The following GRIN2B variants were observed in gnomAD, a reference collection of about 807,000 sequenced individuals.
GRIN2B encodes the protein glutamate ionotropic receptor NMDA type subunit 2B.
GRIN2B carries 5 observed loss-of-function variants against 114.5 expected under a neutral mutation model. The observed-to-expected ratio is 0.04, with a 90% CI of 0.02 to 0.09. GRIN2B has a LOEUF of 0.09. Among genes scored for constraint, GRIN2B ranks in the 10% least tolerant of loss-of-function variants. The probability of loss-of-function intolerance (pLI) is 1.00; values close to 1 mark genes in which losing one functional copy is unlikely to be tolerated. For missense variants in GRIN2B, 1,108 were observed against 1,943.5 expected (o/e 0.57, Z 8.08); for synonymous variants, 787 against 745.1 (o/e 1.06, Z -0.92).
Position 13,649,081 on chromosome 12 carries a change from T to C in GRIN2B, c.1125+26664A>G, listed in dbSNP as rs1026799825. Reference sequence around the variant, plus strand: ...AATTGTGAAACCTTGAGCAATTCCCTGCTACCTCTGAGCTCAGCTTCCTCA... The same window carrying C: ...AATTGTGAAACCTTGAGCAATTCCCCGCTACCTCTGAGCTCAGCTTCCTCA... On this transcript the variant is annotated intron_variant, in intron 5 of 13. Transcript: ENST00000609686. Among the ~76,000 whole-genome samples the C allele has an allele frequency of 3.3e-5, 5 of 152,122 alleles. No individual in the cohort carries two copies. The East Asian group carries it at 7.7e-4, about 24-fold the overall frequency.
chr12:13,796,082 T>TA (rs59852695), intron 3 of GRIN2B, among the ~76,000 whole-genome samples: 135,972 of 141,290 alleles, frequency 0.96, 65,514 homozygotes, highest in South Asian at 0.99. Context: ...AAAGTATAAT[T>TA]AAAAAAAAAA....
chr12:13,717,490 A>G (rs530104591), intron 4 of GRIN2B, among the ~76,000 whole-genome samples: 5 of 152,080 alleles, frequency 3.3e-5, no homozygotes, highest in African/African-American at 1.2e-4. Flanking sequence ...ACACAGCAGT[A>G]TGAACTAGAT....
intron 5 of GRIN2B, among the ~76,000 whole-genome samples, chr12:13,670,692 C>T (rs1170155773): frequency 6.6e-6 from 1 of 152,036 alleles, no homozygotes; most frequent in Non-Finnish European, 1.5e-5. Flanking sequence ...CCAGTCTGCA[C>T]ACAATGATTT....
chr12:13,693,178 T>C (rs1263073039), intron 4 of GRIN2B, among the ~76,000 whole-genome samples: 1 of 152,160 alleles, frequency 6.6e-6, no homozygotes, highest in Non-Finnish European at 1.5e-5. Context: ...ACCAGAGAGA[T>C]ACTATAGGAA....
Position 13,564,953 on chromosome 12 carries a change from C to T in GRIN2B, c.2599-314G>A, listed in dbSNP as rs369243975. 4.6e-5 allele frequency among the ~76,000 whole-genome samples: 7 copies of T among 152,256 alleles called. No individual in the cohort carries two copies. Among genetic ancestry groups the T allele is most frequent in the African/African-American group, 1.2e-4 (5 of 41,540 alleles). ...TGCCTCAGCTTCACTGTTGACTTAC[C>T]GTGGTTTTCTATGCCTAGATTTTCA... On this transcript the variant is annotated intron_variant, in intron 13 of 13. Transcript: ENST00000609686. This position sits in a 1 kb window ranked among gnomAD's most constrained non-coding sequence, Gnocchi z 4.8.
intron 3 of GRIN2B, among the ~76,000 whole-genome samples, chr12:13,773,284 G>C (rs61034417): frequency 6.6e-6 from 1 of 152,302 alleles, no homozygotes; most frequent in African/African-American, 2.4e-5. Context: ...CATGTCCTTA[G>C]TTGAGTGTGT....
chr12:13,916,710 T>TACACACAC (rs144748589), intron 2 of GRIN2B, among the ~76,000 whole-genome samples: 5 of 100,256 alleles, frequency 5.0e-5, no homozygotes, highest in Admixed American at 9.5e-5. Flanking sequence ...TACATATACA[T>TACACACAC]ATACACACAC....
At chr12:13,679,993 A>G (rs1432856303) in intron 4 of GRIN2B, among the ~76,000 whole-genome samples, 1 of 152,194 alleles carries the variant, frequency 6.6e-6, no homozygotes, top group African/African-American at 2.4e-5. Flanking sequence ...GAAAAAGAAT[A>G]TATTAGCATA....
rs771246986 is a variant in GRIN2B at position 13,753,314 on chromosome 12, C to T, written c.1010+3G>A. ...ATCAATGTGCCCTCTGTTCCACACT[C>T]ACCTATTTAGCATATTGGACTGGTA... On this transcript the variant is annotated splice_donor_region_variant and intron_variant, in intron 4 of 13. Coordinates refer to ENST00000609686, the MANE Select transcript of GRIN2B (RefSeq NM_000834.5). The surrounding 1 kb of genome is among the most constrained non-coding windows in gnomAD (Gnocchi z 6.2). 8.0e-6 allele frequency: 12 copies of T among 1,492,466 alleles called. No homozygotes were observed. The Admixed American group carries it at 1.0e-4, about 12-fold the overall frequency. The allele number at this position is 1,492,466 out of a possible 1,614,324, so 92.5% of individuals were successfully genotyped here. A position where few individuals can be genotyped will look rare whatever the true frequency, so the allele number is the denominator to read the frequency against.
chr12:13,738,584 TCC>T (rs1304494649), intron 4 of GRIN2B, among the ~76,000 whole-genome samples: 2 of 152,200 alleles, frequency 1.3e-5, no homozygotes, highest in Non-Finnish European at 2.9e-5. Context: ...CTGTACCCTT[TCC>T]AAATTTTGAA....
chr12:13,881,293 T>C (rs1455185401), intron 2 of GRIN2B, among the ~76,000 whole-genome samples: 1 of 152,134 alleles, frequency 6.6e-6, no homozygotes, highest in Non-Finnish European at 1.5e-5. Flanking sequence ...CCTCAACACT[T>C]AATCTCTCCA....
chr12:13,571,839 C>T lies in GRIN2B; in HGVS notation c.2136G>A (p.Arg712=), dbSNP rs372619985. 2.5e-6 allele frequency: 4 copies of T among 1,613,980 alleles called. No individual in the cohort carries two copies. The highest frequency in any genetic ancestry group is 1.3e-5 in the African/African-American group (1 of 74,918). The part of the protein sequence containing the change: ...MHAYMGKFNQ[R]GVDDALLSLK... ...GGGAGAGCAATGCATCATCTACACC[C>T]CTCTGGTTGAACTTTCCCATGTAGG... The change falls in exon 11 of 14, where the codon AGG becomes AGA. Residue 712 remains arginine (R), a synonymous_variant. Coordinates refer to ENST00000609686, the MANE Select transcript of GRIN2B (RefSeq NM_000834.5).
At chr12:13,766,606 A>G (rs1863794744) in intron 3 of GRIN2B, among the ~76,000 whole-genome samples, 1 of 152,204 alleles carries the variant, frequency 6.6e-6, no homozygotes, top group Non-Finnish European at 1.5e-5. Context: ...TGAATTATAC[A>G]TATCTTTTTC....
chr12:13,967,150 G>C (rs1339035124), intron 2 of GRIN2B, among the ~76,000 whole-genome samples: 5 of 152,204 alleles, frequency 3.3e-5, no homozygotes, highest in Non-Finnish European at 7.3e-5. Context: ...ATTTCTGGAA[G>C]ACTGTCTTGG....
In GRIN2B at chr12:13,615,341, A is replaced by G; in HGVS notation, c.1501-74T>C. 2 of 1,513,990 alleles carry G rather than the reference A, an allele frequency of 1.3e-6. No homozygotes were observed. The highest frequency in any genetic ancestry group is 1.8e-6 in the Non-Finnish European group (2 of 1,089,154). 93.8% of individuals were successfully genotyped at this position (1,513,990 alleles called of 1,614,324 possible). ...GACCACCACAAGGAAAATACAGCCTATCAGTGGTTTTCTTTGTATAGTGGG... is the reference window on the plus strand; with the variant it reads ...GACCACCACAAGGAAAATACAGCCTGTCAGTGGTTTTCTTTGTATAGTGGG... On this transcript the variant is annotated intron_variant, in intron 7 of 13. Coordinates refer to ENST00000609686, the MANE Select transcript of GRIN2B (RefSeq NM_000834.5). The surrounding 1 kb of genome is among the most constrained non-coding windows in gnomAD (Gnocchi z 5.8).
intron 4 of GRIN2B, among the ~76,000 whole-genome samples, chr12:13,708,381 G>T (rs186190179): frequency 6.6e-6 from 1 of 151,996 alleles, no homozygotes; most frequent in African/African-American, 2.4e-5. Context: ...CCACTCTAAC[G>T]TCAAAGCCTA....
chr12:13,966,094 T>C (rs887249702), intron 2 of GRIN2B, among the ~76,000 whole-genome samples: 1 of 152,200 alleles, frequency 6.6e-6, no homozygotes, highest in African/African-American at 2.4e-5. Flanking sequence ...CTTGACGGCA[T>C]AATTTTGGGC....
chr12:13,642,334 G>A (rs1949726729), intron 5 of GRIN2B, among the ~76,000 whole-genome samples: 1 of 152,106 alleles, frequency 6.6e-6, no homozygotes, highest in African/African-American at 2.4e-5. Context: ...ATCACTTGTG[G>A]GCACACTCTG....
At chr12:13,811,354 C>T (rs900946665) in intron 3 of GRIN2B, among the ~76,000 whole-genome samples, 1 of 152,100 alleles carries the variant, frequency 6.6e-6, no homozygotes, top group Non-Finnish European at 1.5e-5. Context: ...GAAGCTGAGC[C>T]AGGAGGGTCG....
Sources: gnomAD v4.1 joint callset for allele counts (sites outside exome capture counted in the v4.1 genomes callset) on GRCh38, gnomAD v4.1.1 for gene constraint, Gnocchi (gnomAD v3.1) non-coding constraint, MANE v1.5 for transcripts, NCBI Gene and HGNC (gene_info 2026-07-23, HGNC 2026-07-21) for gene names.